The following DLC1 variants were observed in gnomAD, a reference collection of about 807,000 sequenced individuals.
DLC1 encodes DLC1 Rho GTPase activating protein, also known as rho GTPase-activating protein 7.
A neutral mutation model predicts 140.3 loss-of-function variants in DLC1; 54 were observed. The ratio of observed to expected loss-of-function variants is 0.38; its 90% CI spans 0.31 to 0.48. The LOEUF (loss-of-function observed/expected upper bound fraction) is 0.48, where lower values mean the gene tolerates loss of function less well. Among genes scored for constraint, DLC1 ranks in the 20% least tolerant of loss-of-function variants. The pLI, the probability that DLC1 is intolerant of heterozygous loss-of-function variation, is 0.96. For synonymous variants in DLC1, 986 were observed against 728.1 expected (o/e 1.35, Z -5.70); for missense variants, 2,536 against 1,907.0 (o/e 1.33, Z -6.14).
At chr8:13,289,611 A>T (rs73212255) in intron 5 of DLC1, among the ~76,000 whole-genome samples, 15,725 of 152,288 alleles carry the variant, frequency 0.1, 1,076 homozygotes, top group Admixed American at 0.18. Flanking sequence ...GATTACAGGC[A>T]TAAGCCACTG....
At chr8:13,177,934 G>A (rs900675563) in intron 5 of DLC1, among the ~76,000 whole-genome samples, 2 of 151,980 alleles carry the variant, frequency 1.3e-5, no homozygotes, top group African/African-American at 2.4e-5. Flanking sequence ...CAAAAAAAAG[G>A]GGACTTGACA....
intron 2 of DLC1, among the ~76,000 whole-genome samples, chr8:13,471,791 C>T (rs1252962814): frequency 6.6e-6 from 1 of 152,128 alleles, no homozygotes; most frequent in Non-Finnish European, 1.5e-5. Flanking sequence ...AGCAAAGTCC[C>T]TGGAATGCTT....
intron 5 of DLC1, among the ~76,000 whole-genome samples, chr8:13,160,770 G>T (rs186003030): frequency 6.6e-6 from 1 of 152,294 alleles, no homozygotes; most frequent in Admixed American, 6.5e-5. Flanking sequence ...ATATGAAAGA[G>T]GGGGTGGGGA....
chr8:13,258,823 T>C (rs559160977), intron 5 of DLC1, among the ~76,000 whole-genome samples: 1 of 152,284 alleles, frequency 6.6e-6, no homozygotes, highest in Admixed American at 6.5e-5. Flanking sequence ...ATACTCAATT[T>C]CATTTTCAAG....
intron 1 of DLC1, among the ~76,000 whole-genome samples, chr8:13,550,092 G>A (rs12543122): frequency 0.069 from 10,441 of 152,130 alleles, 576 homozygotes; most frequent in Admixed American, 0.17. Context: ...ACATTGATAT[G>A]GTTTGGCTCT....
At chr8:13,184,931 C>T (rs1273231425) in intron 5 of DLC1, among the ~76,000 whole-genome samples, 1 of 152,110 alleles carries the variant, frequency 6.6e-6, no homozygotes, top group East Asian at 1.9e-4. Context: ...GTGTGAGAGT[C>T]TAATGCTCTT....
chr8:13,570,452 C>G lies in DLC1; in HGVS notation c.-126+34085G>C, dbSNP rs1230589694. 6.5e-5 allele frequency among the ~76,000 whole-genome samples: 8 copies of G among 123,444 alleles called. No individual in the cohort carries two copies. The Admixed American group carries it at 7.0e-4, about 11-fold the overall frequency. 81.0% of individuals were successfully genotyped at this position (123,444 alleles called of 152,430 possible). On this transcript the variant is annotated intron_variant, in intron 1 of 1. Transcript: ENST00000631382. ...CAATGCTATCCCTCCCCCCTCCCCC[C>G]ACCCCACCACAGTCCCCAGAGTGTG...
intron 5 of DLC1, among the ~76,000 whole-genome samples, chr8:13,217,272 C>T (rs1399929323): frequency 2.6e-5 from 4 of 152,098 alleles, no homozygotes; most frequent in Admixed American, 2.0e-4. Context: ...GTAAAAAGAA[C>T]CAAATCACGT....
intron 5 of DLC1, among the ~76,000 whole-genome samples, chr8:13,133,724 G>A (rs973959472): frequency 6.6e-6 from 1 of 151,952 alleles, no homozygotes; most frequent in Non-Finnish European, 1.5e-5. Context: ...TGCCTTGAGC[G>A]TCCCTTCTTT....
At chr8:13,447,130 T>C (rs1798813597) in intron 2 of DLC1, among the ~76,000 whole-genome samples, 1 of 152,208 alleles carries the variant, frequency 6.6e-6, no homozygotes, top group Non-Finnish European at 1.5e-5. Flanking sequence ...ACATGTATGC[T>C]ATGAGTCTCC....
At position 13,499,422 on chromosome 8, in the gene DLC1, T is replaced by C. The variant is rs1272749134; in HGVS notation, c.650A>G (p.Lys217Arg). 6.2e-7 allele frequency: 1 copy of C among 1,613,864 alleles called. No homozygotes were observed. The highest frequency in any genetic ancestry group is 1.1e-5 in the South Asian group (1 of 91,066). ...CAATTGTTTCTCAGGTGCAATATCT[T>C]TCACGTTCAAAGTATCCACTGCATT... is the stretch of plus-strand genomic sequence containing the variant. ...KVNAVDTLNV[K>R]DIAPEKQLLN... The change falls in exon 2 of 18, where the codon AAA (lysine) becomes AGA (arginine). Residue 217 changes from lysine to arginine, a missense_variant. Coordinates refer to ENST00000276297, the MANE Select transcript of DLC1 (RefSeq NM_182643.3).
chr8:13,167,601 G>C (rs1480345749), intron 5 of DLC1, among the ~76,000 whole-genome samples: 4 of 152,186 alleles, frequency 2.6e-5, no homozygotes, highest in Non-Finnish European at 4.4e-5. Context: ...AAAGAGCACA[G>C]CCTTGCTATG....
At chr8:13,378,407 G>A (rs1054099094) in intron 4 of DLC1, among the ~76,000 whole-genome samples, 5 of 151,780 alleles carry the variant, frequency 3.3e-5, no homozygotes, top group African/African-American at 1.2e-4. Flanking sequence ...GACTACATAT[G>A]GCAATCAAAT....
chr8:13,245,004 T>A (rs1480127649), intron 5 of DLC1, among the ~76,000 whole-genome samples: 1 of 152,222 alleles, frequency 6.6e-6, no homozygotes, highest in African/African-American at 2.4e-5. Flanking sequence ...TTGAGCTTTA[T>A]TTTTTTCCAC....
intron 2 of DLC1, among the ~76,000 whole-genome samples, chr8:13,435,572 C>A (rs1339482739): frequency 6.6e-6 from 1 of 152,170 alleles, no homozygotes; most frequent in Non-Finnish European, 1.5e-5. Context: ...CCTCGGCCTC[C>A]CAAAGTGCTG....
At chr8:13,214,978 T>C (rs542077296) in intron 5 of DLC1, among the ~76,000 whole-genome samples, 63 of 152,074 alleles carry the variant, frequency 4.1e-4, no homozygotes, top group African/African-American at 1.4e-3. Context: ...CCAGGAGGAG[T>C]ACACACACAA....
At chr8:13,174,370 G>A (rs1825652286) in intron 5 of DLC1, among the ~76,000 whole-genome samples, 1 of 151,962 alleles carries the variant, frequency 6.6e-6, no homozygotes, top group Admixed American at 6.6e-5. Context: ...TTTTCCTCTG[G>A]GTATATACCC....
At chr8:13,137,603 G>GT (rs36035085) in intron 5 of DLC1, among the ~76,000 whole-genome samples, 3,106 of 134,294 alleles carry the variant, frequency 0.023, 121 homozygotes, top group African/African-American at 0.075. Flanking sequence ...TTTTGGTTTT[G>GT]TTTTTTTTTT....
At chr8:13,257,098 C>A (rs975829455) in intron 5 of DLC1, among the ~76,000 whole-genome samples, 1 of 152,042 alleles carries the variant, frequency 6.6e-6, no homozygotes, top group Non-Finnish European at 1.5e-5. Context: ...CCCTAAACTT[C>A]TGTAGCACTG....
Sources: allele counts gnomAD v4.1 joint callset (sites outside exome capture counted in the v4.1 genomes callset), GRCh38; gene constraint gnomAD v4.1.1; transcripts MANE v1.5; gene names NCBI Gene and HGNC (gene_info 2026-07-23, HGNC 2026-07-21).